VPS8: variants seen among roughly 807,000 people sequenced by gnomAD.
VPS8 encodes VPS8 subunit of CORVET complex.
Under a neutral mutation model 216.4 loss-of-function variants are expected in VPS8, and 129 were observed. The observed-to-expected ratio is 0.60, with a 90% CI of 0.52 to 0.69. The LOEUF is 0.69. Ranked by LOEUF, VPS8 falls within the 30% of genes least tolerant of loss-of-function variation. VPS8 has a pLI of 0.00. For missense variants in VPS8, 1,531 were observed against 1,683.5 expected (o/e 0.91, Z 1.59); for synonymous variants, 571 against 565.4 (o/e 1.01, Z -0.14).
At chr3:184,821,985 G>A (rs1178894072) in intron 1 of VPS8, among the ~76,000 whole-genome samples, 1 of 152,102 alleles carries the variant, frequency 6.6e-6, no homozygotes, top group Non-Finnish European at 1.5e-5. Flanking sequence ...GTTTGAAGGA[G>A]CCCTTCCCAG....
intron 45 of VPS8, among the ~76,000 whole-genome samples, chr3:185,010,864 C>A (rs771260882): frequency 1.3e-5 from 2 of 151,788 alleles, no homozygotes. Flanking sequence ...ATTAGCCAAG[C>A]GGGTGGCACA....
At chr3:184,864,072 G>A (rs1726887643) in intron 16 of VPS8, among the ~76,000 whole-genome samples, 1 of 151,988 alleles carries the variant, frequency 6.6e-6, no homozygotes, top group Middle Eastern at 3.4e-3. Context: ...TTAGCCAAGA[G>A]GGAGTTATGG....
intron 14 of VPS8, among the ~76,000 whole-genome samples, chr3:184,858,930 A>C (rs1725778455): frequency 6.6e-6 from 1 of 152,168 alleles, no homozygotes; most frequent in Admixed American, 6.5e-5. Flanking sequence ...AGTTTTTCAA[A>C]GAAATGTTTC....
At chr3:184,869,575 T>C (rs2108771980) in intron 20 of VPS8, 47 bp downstream of exon 20, 3 of 1,594,556 alleles carry the variant, frequency 1.9e-6, no homozygotes, top group Non-Finnish European at 2.6e-6. Flanking sequence ...GCAGATTTGC[T>C]TTTGTCATTT....
At chr3:184,925,967 G>A (rs1739538467) in intron 30 of VPS8, among the ~76,000 whole-genome samples, 1 of 150,714 alleles carries the variant, frequency 6.6e-6, no homozygotes, top group Non-Finnish European at 1.5e-5. Context: ...TAGAGATGGG[G>A]TTTCACCATG....
At chr3:185,023,272 A>G (rs1462244301) in intron 45 of VPS8, among the ~76,000 whole-genome samples, 2 of 152,222 alleles carry the variant, frequency 1.3e-5, no homozygotes, top group African/African-American at 4.8e-5. Context: ...AGTTATTTGC[A>G]TGATTGCATC....
intron 46 of VPS8, among the ~76,000 whole-genome samples, chr3:185,041,891 C>CATTGG (rs1711724077): frequency 6.6e-6 from 1 of 152,162 alleles, no homozygotes; most frequent in African/African-American, 2.4e-5. Flanking sequence ...CAGTATCAAA[C>CATTGG]ATTGGATTGG....
At chr3:184,867,357 A>G (rs1727552749) in intron 17 of VPS8, among the ~76,000 whole-genome samples, 1 of 152,196 alleles carries the variant, frequency 6.6e-6, no homozygotes, top group African/African-American at 2.4e-5. Flanking sequence ...TGGAATAGGA[A>G]CTTTCTGTAC....
At chr3:184,879,649 CT>C (rs1729936060) in intron 21 of VPS8, among the ~76,000 whole-genome samples, 1 of 152,120 alleles carries the variant, frequency 6.6e-6, no homozygotes, top group Non-Finnish European at 1.5e-5. Context: ...ATTATCTGAG[CT>C]TGGGCACCAG....
intron 14 of VPS8, among the ~76,000 whole-genome samples, chr3:184,858,087 C>G (rs939924417): frequency 5.3e-5 from 8 of 152,084 alleles, no homozygotes; most frequent in Admixed American, 2.6e-4. Flanking sequence ...GGGGAGTGTG[C>G]AAGAAAGCCC....
chr3:184,894,787 T>C lies in VPS8; in HGVS notation c.1866T>C (p.Tyr622=), dbSNP rs375589079. 545 of 1,610,386 alleles carry C rather than the reference T, an allele frequency of 3.4e-4. No individual in the cohort carries two copies. The highest frequency in any genetic ancestry group is 4.5e-4 in the Non-Finnish European group (525 of 1,178,140). ...TATTTTTGGAGTGCCTTGAGCCATA[T>C]ATTTTAAGTGATAAATTGGTGGGAA... ...KGVFLECLEP[Y]ILSDKLVGIT... Residue 622 remains tyrosine (Y), a synonymous_variant, in exon 23 of 48, where the codon TAT becomes TAC. Transcript: ENST00000625842.
intron 25 of VPS8, among the ~76,000 whole-genome samples, chr3:184,904,807 C>G (rs1331575674): frequency 6.6e-6 from 1 of 152,110 alleles, no homozygotes. Flanking sequence ...TGACAGAATT[C>G]ACTATGAAGC....
At chr3:184,934,199 C>T (rs911563772) in intron 34 of VPS8, among the ~76,000 whole-genome samples, 8 of 152,050 alleles carry the variant, frequency 5.3e-5, no homozygotes, top group Non-Finnish European at 8.8e-5. Flanking sequence ...CAGAGTCTCA[C>T]TCACTGTGTC....
At position 184,852,609 on chromosome 3, in the gene VPS8, G is replaced by A. The variant is rs145010421; in HGVS notation, c.821+42G>A. The A allele has an allele frequency of 8.7e-4, 1,370 of 1,573,696 alleles. 15 individuals are homozygous for A. The African/African-American group carries it at 0.016, about 19-fold the overall frequency. ...CATTTGTTGACAAATGAAAAGACTA[G>A]CTCTGTTTTAATGATTTGAAATTGA... On this transcript the variant is annotated intron_variant, in intron 11 of 47. Coordinates refer to ENST00000625842, the MANE Select transcript of VPS8 (RefSeq NM_001009921.3).
At chr3:185,024,651 A>G (rs192778698) in intron 46 of VPS8, among the ~76,000 whole-genome samples, 1 of 152,336 alleles carries the variant, frequency 6.6e-6, no homozygotes, top group Admixed American at 6.5e-5. Context: ...CGTGGTATCA[A>G]TGAGTGGTAG....
At chr3:184,855,598 G>A (rs1361591722) in intron 13 of VPS8, 113 bp from the exon 14 acceptor site, 2 of 863,942 alleles carry the variant, frequency 2.3e-6, no homozygotes, top group Non-Finnish European at 3.7e-6. Flanking sequence ...CTGAGAAATT[G>A]GGGAAAGTTT....
At chr3:184,813,783 C>A (rs1366665632) in intron 1 of VPS8, 2 of 152,228 alleles carry the variant, frequency 1.3e-5, no homozygotes, top group Non-Finnish European at 2.9e-5. Flanking sequence ...CTGTATCTCA[C>A]TATTCCATTG....
At chr3:184,881,421 A>G (rs1378789183) in intron 21 of VPS8, among the ~76,000 whole-genome samples, 1 of 151,950 alleles carries the variant, frequency 6.6e-6, no homozygotes, top group Non-Finnish European at 1.5e-5. Context: ...TCTTTCCTCC[A>G]CTCAGTTGCT....
At chr3:185,016,421 C>T (rs1014644233) in intron 45 of VPS8, among the ~76,000 whole-genome samples, 5 of 152,134 alleles carry the variant, frequency 3.3e-5, no homozygotes, top group African/African-American at 9.7e-5. Flanking sequence ...AAATTTTTTA[C>T]GAGTGGGTTC....
Sources: allele counts gnomAD v4.1 joint callset (sites outside exome capture counted in the v4.1 genomes callset), GRCh38; gene constraint gnomAD v4.1.1; transcripts MANE v1.5; gene names NCBI Gene and HGNC (gene_info 2026-07-23, HGNC 2026-07-21).